The following LRRN3 variants were observed in gnomAD, a reference collection of about 807,000 sequenced individuals.
LRRN3 encodes leucine rich repeat neuronal 3.
A neutral mutation model predicts 40.1 loss-of-function variants in LRRN3; 15 were observed. The ratio of observed to expected loss-of-function variants is 0.37; its 90% CI spans 0.25 to 0.58. The LOEUF (loss-of-function observed/expected upper bound fraction) is 0.58, where lower values mean the gene tolerates loss of function less well. Ranked by LOEUF, LRRN3 falls within the 20% of genes least tolerant of loss-of-function variation. The pLI, the probability that LRRN3 is intolerant of heterozygous loss-of-function variation, is 0.72. For synonymous variants in LRRN3, 308 were observed against 297.2 expected (o/e 1.04, Z -0.37); for missense variants, 746 against 837.7 (o/e 0.89, Z 1.35).
intron 1 of LRRN3, among the ~76,000 whole-genome samples, chr7:111,093,954 GGTT>G (rs1281779340): frequency 6.6e-6 from 1 of 152,218 alleles, no homozygotes; most frequent in African/African-American, 2.4e-5. Flanking sequence ...TGGAGGTGGT[GGTT>G]GTTGTTGTTA....
chr7:111,122,913 T>G lies in LRRN3; in HGVS notation c.141T>G (p.Tyr47Ter). 1 of 1,614,074 alleles carries G rather than the reference T, an allele frequency of 6.2e-7. No individual in the cohort carries two copies. The highest frequency in any genetic ancestry group is 8.5e-7 in the Non-Finnish European group (1 of 1,179,942). ...IRPWFTPRSI[Y>*]MEASTVDCND... is the part of the protein sequence containing the mutation. ...CTTGGTTTACACCCAGATCCATTTATATGGAAGCATCTACAGTGGATTGTA... is the reference window on the plus strand; with the variant it reads ...CTTGGTTTACACCCAGATCCATTTAGATGGAAGCATCTACAGTGGATTGTA... The change falls in exon 3 of 3, where the codon TAT (tyrosine) becomes TAG (stop). Residue 47 changes from tyrosine (Y) to a stop codon, truncating the protein, a stop_gained. Coordinates refer to ENST00000308478, the MANE Select transcript of LRRN3 (RefSeq NM_001099658.2). LOFTEE classifies it high-confidence loss of function.
At chr7:111,091,542 T>C (rs1053342622) in intron 1 of LRRN3, 38 bp downstream of exon 1, 1 of 152,212 alleles carries the variant, frequency 6.6e-6, no homozygotes, top group Non-Finnish European at 1.5e-5. Flanking sequence ...AAATACGTTC[T>C]ATTTCTTGTC....
At chr7:111,117,005 A>C (rs1799955112) in intron 2 of LRRN3, among the ~76,000 whole-genome samples, 1 of 152,180 alleles carries the variant, frequency 6.6e-6, no homozygotes, top group Admixed American at 6.5e-5. Flanking sequence ...AGTCTGCCTT[A>C]ATTTAATGAT....
rs773540502 is a variant in LRRN3, at chr7:111,122,743, C to T, written c.-30C>T. On this transcript the variant is annotated 5_prime_UTR_variant, in exon 3 of 3. Coordinates refer to ENST00000308478, the MANE Select transcript of LRRN3 (RefSeq NM_001099658.2). ...GCACTGACTGTGGAATCCTTAAGGG[C>T]CCATTACATTTCTGAAGAAGAAAGC... 4 of 1,560,792 alleles carry T rather than the reference C, an allele frequency of 2.6e-6. No homozygotes were observed. Among genetic ancestry groups the T allele is most frequent in the South Asian group, 1.2e-5 (1 of 85,186 alleles).
rs771295780 is a variant in LRRN3, at chr7:111,122,851, G to C, written c.79G>C (p.Val27Leu). Reference protein sequence around the residue: ...TTLVQAVDKKVDCPRLCTCEI... With the variant: ...TTLVQAVDKKLDCPRLCTCEI... ...ACTAGTACAAGCTGTAGATAAAAAAGTGGATTGTCCACGGTTATGTACGTG... is the reference window on the plus strand; with the variant it reads ...ACTAGTACAAGCTGTAGATAAAAAACTGGATTGTCCACGGTTATGTACGTG... Residue 27 changes from valine (V) to leucine (L), a missense_variant, in exon 3 of 3, where the codon GTG (valine) becomes CTG (leucine). By Grantham distance (32) the Val-to-Leu change is conservative (BLOSUM62 1). Coordinates refer to ENST00000308478, the MANE Select transcript of LRRN3 (RefSeq NM_001099658.2). 4.3e-6 allele frequency: 7 copies of C among 1,613,854 alleles called. No homozygotes were observed. In the South Asian group the frequency reaches 7.7e-5, roughly 18 times the overall value.
chr7:111,122,959 T>C lies in LRRN3; in HGVS notation c.187T>C (p.Phe63Leu), dbSNP rs531986779. ...TTGTAATGATTTAGGTCTTTTAACT[T>C]TCCCAGCCAGATTGCCAGCTAACAC... ...VDCNDLGLLT[F>L]PARLPANTQI... is the part of the protein sequence containing the mutation. The change falls in exon 3 of 3, where the codon TTC (phenylalanine) becomes CTC (leucine). Residue 63 changes from phenylalanine to leucine, a missense_variant. Phe to Leu is a conservative substitution (Grantham distance 22, BLOSUM62 0). Coordinates refer to ENST00000308478, the MANE Select transcript of LRRN3 (RefSeq NM_001099658.2). 9.3e-6 allele frequency: 15 copies of C among 1,614,040 alleles called. No homozygotes were observed. The highest frequency in any genetic ancestry group is 1.7e-4 in the Middle Eastern group (1 of 6,058).
intron 2 of LRRN3, among the ~76,000 whole-genome samples, chr7:111,112,544 A>G (rs1799364138): frequency 6.6e-6 from 1 of 152,198 alleles, no homozygotes; most frequent in Admixed American, 6.5e-5. Context: ...ACTCAAAGCC[A>G]TAATTCAGGA....
At chr7:111,115,406 C>T (rs1799758587) in intron 2 of LRRN3, among the ~76,000 whole-genome samples, 1 of 152,044 alleles carries the variant, frequency 6.6e-6, no homozygotes, top group Non-Finnish European at 1.5e-5. Context: ...AATATAACTA[C>T]AAATCAGAAT....
At chr7:111,091,903 C>A (rs1020763356) in intron 1 of LRRN3, among the ~76,000 whole-genome samples, 2 of 152,022 alleles carry the variant, frequency 1.3e-5, no homozygotes, top group East Asian at 3.9e-4. Context: ...AGGAGAGTCA[C>A]GGGTGATGGG....
In LRRN3 at chr7:111,124,657, C is replaced by G; in HGVS notation, c.1885C>G (p.Leu629Val). Residue 629 changes from leucine (L) to valine (V), a missense_variant, in exon 3 of 3, where the codon CTT becomes GTT. Coordinates refer to ENST00000308478, the MANE Select transcript of LRRN3 (RefSeq NM_001099658.2). ...KEYEKNNTTT[L>V]MACLGGLLGI... is the part of the protein sequence containing the mutation. ...GTATGAAAAGAATAATACCACAACA[C>G]TTATGGCCTGTCTTGGAGGCCTTCT... 2 of 1,613,926 alleles carry G rather than the reference C, an allele frequency of 1.2e-6. No individual in the cohort carries two copies. Among genetic ancestry groups the G allele is most frequent in the Non-Finnish European group, 1.7e-6 (2 of 1,179,944 alleles).
At position 111,093,116 on chromosome 7, in the gene LRRN3, G is replaced by A. The variant is rs539396009; in HGVS notation, c.-441+1612G>A. Among the ~76,000 whole-genome samples the A allele has an allele frequency of 2.0e-4, 30 of 152,224 alleles. No homozygotes were observed. The South Asian group carries it at 4.1e-3, about 21-fold the overall frequency. ...AATTCCAGTGACCTTTGTAAATGAT[G>A]ACAATAAAGCAGCTCTGACAATATG... is the stretch of plus-strand genomic sequence containing the variant. On this transcript the variant is annotated intron_variant, in intron 1 of 2. Transcript: ENST00000308478.
chr7:111,125,014 A>G lies in LRRN3; in HGVS notation c.*115A>G. ...ACAAACAAAAAAGTAAAAAAAGATT[A>G]CTTTCGAGAGAGAAGTTTAAGCTTC... On this transcript the variant is annotated 3_prime_UTR_variant, in exon 3 of 3. Coordinates refer to ENST00000308478, the MANE Select transcript of LRRN3 (RefSeq NM_001099658.2). 2.6e-6 allele frequency: 2 copies of G among 777,242 alleles called. No individual in the cohort carries two copies. The allele number at this position is 777,242 out of a possible 1,614,324, so 48.1% of individuals were successfully genotyped here.
In LRRN3 at chr7:111,123,105, T is replaced by C. The variant is rs1800851254; in HGVS notation, c.333T>C (p.Asn111=). 4 of 1,613,726 alleles carry C rather than the reference T, an allele frequency of 2.5e-6. No individual in the cohort carries two copies. The highest frequency in any genetic ancestry group is 3.4e-6 in the Non-Finnish European group (4 of 1,179,864). The change falls in exon 3 of 3, where the codon AAT becomes AAC. Residue 111 remains asparagine, a synonymous_variant. Coordinates refer to ENST00000308478, the MANE Select transcript of LRRN3 (RefSeq NM_001099658.2). The surrounding 1 kb of genome is among the most constrained non-coding windows in gnomAD (Gnocchi z 6.4). ...ATTTATCTTCAGTCACCAATATTAATGTAAAAAAGATGCCTCAGCTCCTTT... is the reference window on the plus strand; with the variant it reads ...ATTTATCTTCAGTCACCAATATTAACGTAAAAAAGATGCCTCAGCTCCTTT... ...QNNLSSVTNI[N]VKKMPQLLSV...
intron 1 of LRRN3, among the ~76,000 whole-genome samples, chr7:111,098,849 T>C (rs1036111060): frequency 1.3e-5 from 2 of 151,750 alleles, no homozygotes; most frequent in African/African-American, 4.8e-5. Flanking sequence ...TGCCTCCCGT[T>C]GGTACTGCCT....
At chr7:111,100,985 A>T (rs1797909355) in intron 2 of LRRN3, among the ~76,000 whole-genome samples, 1 of 151,518 alleles carries the variant, frequency 6.6e-6, no homozygotes, top group Admixed American at 6.6e-5. Flanking sequence ...GAACATTTAT[A>T]AGTTTAAAAT....
At chr7:111,116,621 T>C (rs771966986) in intron 2 of LRRN3, among the ~76,000 whole-genome samples, 1 of 152,162 alleles carries the variant, frequency 6.6e-6, no homozygotes, top group Non-Finnish European at 1.5e-5. Context: ...TTAGTGCATA[T>C]TTTGTGAGAA....
rs769370648 is a variant in LRRN3 at position 111,123,451 on chromosome 7, A to G, written c.679A>G (p.Ile227Val). Residue 227 changes from isoleucine to valine, a missense_variant, in exon 3 of 3, where the codon ATA becomes GTA. Physicochemically the swap from Ile to Val is conservative, Grantham distance 29. Coordinates refer to ENST00000308478, the MANE Select transcript of LRRN3 (RefSeq NM_001099658.2). The surrounding 1 kb of genome is among the most constrained non-coding windows in gnomAD (Gnocchi z 6.4). ...TATAGCTGGTATAAACCTCACAGAA[A>G]TACCAGATAACGCCTTGGTTGGACT... is the stretch of plus-strand genomic sequence containing the variant. The part of the protein sequence containing the change: ...LVIAGINLTE[I>V]PDNALVGLEN... 3.1e-6 allele frequency: 5 copies of G among 1,613,496 alleles called. No homozygotes were observed. In the Admixed American group the frequency reaches 5.0e-5, roughly 16 times the overall value.
intron 2 of LRRN3, among the ~76,000 whole-genome samples, chr7:111,109,581 G>A (rs1479346428): frequency 2.6e-5 from 4 of 152,114 alleles, no homozygotes; most frequent in Non-Finnish European, 5.9e-5. Flanking sequence ...CAAGGACCTG[G>A]AATAGAGTTC....
rs1432626938 is a variant in LRRN3, at chr7:111,091,227, A to G, written c.-718A>G. The G allele has an allele frequency of 6.6e-6, 1 of 152,222 alleles. No homozygotes were observed. The highest frequency in any genetic ancestry group is 2.4e-5 in the African/African-American group (1 of 41,462). The allele number at this position is 152,222 out of a possible 1,614,324, so 9.4% of individuals were successfully genotyped here. On this transcript the variant is annotated 5_prime_UTR_variant, in exon 1 of 3. Transcript: ENST00000308478. ...CAGGATCTCTCTTCACTGGATTGAG[A>G]GCCTCAGCCTGCCGACTGAGAAAAA...
Sources: gnomAD v4.1 joint callset for allele counts (sites outside exome capture counted in the v4.1 genomes callset) on GRCh38, gnomAD v4.1.1 for gene constraint, Gnocchi (gnomAD v3.1) non-coding constraint, MANE v1.5 for transcripts, NCBI Gene and HGNC (gene_info 2026-07-23, HGNC 2026-07-21) for gene names.